CNTNAP2: variants seen among roughly 807,000 people sequenced by gnomAD.
CNTNAP2 encodes contactin associated protein 2.
CNTNAP2 carries 98 observed loss-of-function variants against 155.2 expected under a neutral mutation model. The ratio of observed to expected loss-of-function variants is 0.63; its 90% confidence interval spans 0.54 to 0.75. The LOEUF (loss-of-function observed/expected upper bound fraction) is 0.75. CNTNAP2 is among the 30% of genes least tolerant of loss of function. The pLI is 0.00. For synonymous variants in CNTNAP2, 651 were observed against 631.2 expected (o/e 1.03, Z -0.47); for missense variants, 1,727 against 1,688.1 (o/e 1.02, Z -0.40).
chr7:147,157,915 T>C (rs1034677546), intron 8 of CNTNAP2, among the ~76,000 whole-genome samples: 1 of 152,134 alleles, frequency 6.6e-6, no homozygotes, highest in Non-Finnish European at 1.5e-5. Flanking sequence ...TATCAGTAAT[T>C]CAATTAGTAG....
At chr7:146,879,567 CAT>C (rs1795497425) in intron 3 of CNTNAP2, among the ~76,000 whole-genome samples, 1 of 151,954 alleles carries the variant, frequency 6.6e-6, no homozygotes, top group Non-Finnish European at 1.5e-5. Flanking sequence ...ATTTAAGTCT[CAT>C]AACACTCCAT....
intron 1 of CNTNAP2, among the ~76,000 whole-genome samples, chr7:146,737,792 A>G (rs1272551080): frequency 1.3e-5 from 2 of 152,060 alleles, no homozygotes; most frequent in Non-Finnish European, 2.9e-5. Flanking sequence ...CTTCAGGTTC[A>G]TCCATGTTAC....
chr7:148,073,055 A>T (rs1803411175), intron 15 of CNTNAP2, among the ~76,000 whole-genome samples: 1 of 152,130 alleles, frequency 6.6e-6, no homozygotes. Context: ...GCCTCTGCCT[A>T]CTAAATGCCA....
chr7:147,083,686 A>C (rs1003684161), intron 4 of CNTNAP2, among the ~76,000 whole-genome samples: 7 of 144,976 alleles, frequency 4.8e-5, no homozygotes, highest in African/African-American at 1.5e-4. Flanking sequence ...ATTATATATG[A>C]TACATAGATA....
rs1358372285 is a variant in CNTNAP2 at position 148,247,618 on chromosome 7, TC to T, written c.3381+17840del. Among the ~76,000 whole-genome samples the T allele has an allele frequency of 2.7e-3, 390 of 146,586 alleles. 2 individuals carry two copies. The highest frequency in any genetic ancestry group is 8.3e-3 in the African/African-American group (322 of 38,960). On this transcript the variant is annotated intron_variant, in intron 20 of 23. Coordinates refer to ENST00000361727, the MANE Select transcript of CNTNAP2 (RefSeq NM_014141.6). Reference sequence around the variant, plus strand: ...CATTCTCTCTCTCTCTCTCTCTCTCTCTCTCTCTATTTATTTATTTATTTAT... The same window carrying T: ...CATTCTCTCTCTCTCTCTCTCTCTCTTCTCTCTATTTATTTATTTATTTAT...
chr7:148,172,483 G>T lies in CNTNAP2; in HGVS notation c.3010+5G>T, dbSNP rs373422045. On this transcript the variant is annotated splice_donor_5th_base_variant and intron_variant, in intron 18 of 23. Transcript: ENST00000361727. ...ATGGAACATTTTGCAACAAAGGTAA[G>T]GTGGAACCCATTTCCAGAGCCACTT... 1 of 1,613,208 alleles carries T rather than the reference G, an allele frequency of 6.2e-7. No homozygotes were observed. Among genetic ancestry groups the T allele is most frequent in the African/African-American group, 1.3e-5 (1 of 74,898 alleles).
chr7:146,627,937 G>C (rs1244550141), intron 1 of CNTNAP2, among the ~76,000 whole-genome samples: 2 of 152,022 alleles, frequency 1.3e-5, no homozygotes, highest in Non-Finnish European at 2.9e-5. Context: ...ATTTGGTTTG[G>C]GAAAGTGGTA....
chr7:146,340,168 C>CAAAAA (rs1195946572), intron 1 of CNTNAP2, among the ~76,000 whole-genome samples: 8 of 54,882 alleles, frequency 1.5e-4, no homozygotes, highest in South Asian at 8.0e-4. Flanking sequence ...GACTCCGCCT[C>CAAAAA]AAAAAAAAAA....
intron 1 of CNTNAP2, among the ~76,000 whole-genome samples, chr7:146,250,245 G>A (rs567926872): frequency 6.6e-6 from 1 of 152,280 alleles, no homozygotes; most frequent in African/African-American, 2.4e-5. Flanking sequence ...CTTTAAATAT[G>A]TAGAGCATCT....
At chr7:146,709,927 T>G (rs1468291266) in intron 1 of CNTNAP2, among the ~76,000 whole-genome samples, 1 of 152,150 alleles carries the variant, frequency 6.6e-6, no homozygotes, top group Non-Finnish European at 1.5e-5. Flanking sequence ...TATGGGGATT[T>G]AGAACAGCAG....
intron 9 of CNTNAP2, among the ~76,000 whole-genome samples, chr7:147,354,167 T>C (rs932053014): frequency 6.6e-6 from 1 of 152,180 alleles, no homozygotes; most frequent in South Asian, 2.1e-4. Flanking sequence ...ATGTTGGCTT[T>C]TGTTGCCATT....
chr7:148,134,539 T>TA (rs1251525254), intron 16 of CNTNAP2, among the ~76,000 whole-genome samples: 1 of 152,138 alleles, frequency 6.6e-6, no homozygotes, highest in East Asian at 1.9e-4. Context: ...CTCTGTTTTT[T>TA]AAAAAAATCT....
At chr7:148,055,367 T>G (rs949410283) in intron 15 of CNTNAP2, among the ~76,000 whole-genome samples, 5 of 152,202 alleles carry the variant, frequency 3.3e-5, no homozygotes, top group Non-Finnish European at 7.3e-5. Context: ...TAGGAAATTA[T>G]TCTTCTGTTT....
intron 21 of CNTNAP2, among the ~76,000 whole-genome samples, chr7:148,372,479 G>A (rs1016175160): frequency 1.3e-5 from 2 of 152,108 alleles, no homozygotes; most frequent in Admixed American, 6.5e-5. Context: ...AGGCAGAGGA[G>A]GGTAGACCAC....
At chr7:147,212,638 T>C (rs1391648565) in intron 8 of CNTNAP2, among the ~76,000 whole-genome samples, 6 of 152,154 alleles carry the variant, frequency 3.9e-5, no homozygotes, top group African/African-American at 1.4e-4. Context: ...TTCAGTATTA[T>C]GCCCACAACC....
At chr7:146,677,472 TCAGGTTA>T (rs1800421656) in intron 1 of CNTNAP2, among the ~76,000 whole-genome samples, 1 of 152,142 alleles carries the variant, frequency 6.6e-6, no homozygotes, top group African/African-American at 2.4e-5. Context: ...AGGCATATTT[TCAGGTTA>T]CCTTCGGAAT....
intron 1 of CNTNAP2, among the ~76,000 whole-genome samples, chr7:146,624,597 A>G (rs1799388355): frequency 6.6e-6 from 1 of 151,788 alleles, no homozygotes; most frequent in Non-Finnish European, 1.5e-5. Context: ...TCCATTTTCT[A>G]TTCCTCTGCC....
At chr7:146,415,744 T>A (rs1382223349) in intron 1 of CNTNAP2, among the ~76,000 whole-genome samples, 2 of 152,134 alleles carry the variant, frequency 1.3e-5, no homozygotes, top group Non-Finnish European at 1.5e-5. Context: ...CTATTCCTTA[T>A]TTTAATGCCA....
intron 10 of CNTNAP2, among the ~76,000 whole-genome samples, chr7:147,402,595 T>G (rs1796936233): frequency 6.6e-6 from 1 of 152,210 alleles, no homozygotes; most frequent in Non-Finnish European, 1.5e-5. Flanking sequence ...TCCTAATACC[T>G]TCGTCTGATC....
Sources: allele counts gnomAD v4.1 joint callset (sites outside exome capture counted in the v4.1 genomes callset), GRCh38; gene constraint gnomAD v4.1.1; transcripts MANE v1.5; gene names NCBI Gene and HGNC (gene_info 2026-07-23, HGNC 2026-07-21).